The following MTHFD1 variants were observed in gnomAD, a reference collection of about 807,000 sequenced individuals.
MTHFD1 encodes the protein methylenetetrahydrofolate dehydrogenase, cyclohydrolase and formyltetrahydrofolate synthetase 1.
Under a neutral mutation model 110.3 loss-of-function variants are expected in MTHFD1, and 44 were observed. The ratio of observed to expected loss-of-function variants is 0.40; its 90% CI spans 0.31 to 0.51. The LOEUF is 0.51. MTHFD1 is among the 20% of genes least tolerant of loss of function. The pLI is 0.60. For missense variants in MTHFD1, 909 were observed against 1,173.1 expected (o/e 0.77, Z 3.29); for synonymous variants, 402 against 428.8 (o/e 0.94, Z 0.77).
chr14:64,413,935 T>G (rs1183318156), intron 4 of MTHFD1, among the ~76,000 whole-genome samples: 1 of 152,190 alleles, frequency 6.6e-6, no homozygotes, highest in Non-Finnish European at 1.5e-5. Flanking sequence ...GCTCAAGTGA[T>G]CCTCCCACCT....
chr14:64,457,634 T>C (rs1027993483), intron 26 of MTHFD1, among the ~76,000 whole-genome samples: 2 of 151,808 alleles, frequency 1.3e-5, no homozygotes, highest in African/African-American at 2.4e-5. Flanking sequence ...TTTTGTATTT[T>C]TAGTAGAGAT....
intron 2 of MTHFD1, 102 bp from the exon 3 acceptor site, chr14:64,410,988 G>A (rs966407580): frequency 3.6e-6 from 3 of 835,314 alleles, no homozygotes; most frequent in Non-Finnish European, 4.1e-6. Flanking sequence ...AACAAGAGTC[G>A]CATGATTAAA....
At chr14:64,397,155 A>G (rs1372270704) in intron 1 of MTHFD1, among the ~76,000 whole-genome samples, 427 of 7,644 alleles carry the variant, frequency 0.056, 60 homozygotes, top group African/African-American at 0.21. Flanking sequence ...ATATATATAT[A>G]TATATATATA....
intron 8 of MTHFD1, among the ~76,000 whole-genome samples, chr14:64,422,510 A>G (rs554528980): frequency 7.9e-5 from 12 of 152,296 alleles, no homozygotes; most frequent in Non-Finnish European, 1.3e-4. Flanking sequence ...AGAAACACAT[A>G]AAAGTGCTCT....
Position 64,454,802 on chromosome 14 carries a change from C to G in MTHFD1, c.2645C>G (p.Thr882Arg). ...SHNPEQKGVP[T>R]GFILPIRDIR... ...AACCCAGAGCAAAAAGGTGTCCCTA[C>G]AGGCTTCATTCTGCCCATTCGCGAC... The change falls in exon 26 of 28, where the codon ACA (threonine) becomes AGA (arginine). Residue 882 changes from threonine (T) to arginine (R), a missense_variant. Physicochemically the swap from Thr to Arg is moderately conservative, Grantham distance 71. Coordinates refer to ENST00000652337, the MANE Select transcript of MTHFD1 (RefSeq NM_005956.4). 1 of 1,614,134 alleles carries G rather than the reference C, an allele frequency of 6.2e-7. No homozygotes were observed.
At position 64,451,101 on chromosome 14, in the gene MTHFD1, G is replaced by A. The variant is rs138196652; in HGVS notation, c.2457+1479G>A. On this transcript the variant is annotated intron_variant, in intron 24 of 27. Transcript: ENST00000652337. ...GGAGAATCGCTTGAACCCGGGAGGC[G>A]GACGTTGCAATGAGCTGAGATCACT... 6.4e-3 allele frequency among the ~76,000 whole-genome samples: 973 copies of A among 152,182 alleles called. 4 individuals carry two copies. Among genetic ancestry groups the A allele is most frequent in the Non-Finnish European group, 0.01 (685 of 68,000 alleles).
Position 64,453,952 on chromosome 14 carries a change from C to T in MTHFD1, c.2565+91C>T, listed in dbSNP as rs1476467613. The T allele has an allele frequency of 1.2e-5, 9 of 779,264 alleles. No homozygotes were observed. In the East Asian group the frequency reaches 1.3e-4, roughly 12 times the overall value. 48.3% of individuals were successfully genotyped at this position (779,264 alleles called of 1,614,324 possible). A position where few individuals can be genotyped will look rare whatever the true frequency, so the allele number is the denominator to read the frequency against. ...GGTCCTCCCAGCCCTGCCAAGTACC[C>T]GTTGCTTCACTTCTCTGGGTGGCAG... On this transcript the variant is annotated intron_variant, in intron 25 of 27. Transcript: ENST00000652337.
At chr14:64,424,733 G>A in intron 8 of MTHFD1, 71 bp from the exon 9 acceptor site, 2 of 1,575,856 alleles carry the variant, frequency 1.3e-6, no homozygotes, top group Non-Finnish European at 1.7e-6. Context: ...ATTCTGCTGA[G>A]TTTTTGTCGT....
chr14:64,410,622 G>A (rs974030035), intron 2 of MTHFD1, among the ~76,000 whole-genome samples: 1 of 152,128 alleles, frequency 6.6e-6, no homozygotes, highest in African/African-American at 2.4e-5. Context: ...CCTTTCTATT[G>A]TCTGTGTGGC....
intron 15 of MTHFD1, among the ~76,000 whole-genome samples, chr14:64,433,541 C>T (rs2078178549): frequency 6.6e-6 from 1 of 152,048 alleles, no homozygotes; most frequent in Non-Finnish European, 1.5e-5. Flanking sequence ...CCTCACCCAA[C>T]TAGGTAGCTG....
At position 64,418,000 on chromosome 14, in the gene MTHFD1, C is replaced by T; in HGVS notation, c.591C>T (p.Ser197=). 6.2e-7 allele frequency: 1 copy of T among 1,614,102 alleles called. No homozygotes were observed. The highest frequency in any genetic ancestry group is 8.5e-7 in the Non-Finnish European group (1 of 1,180,020). ...WNNATVTTCH[S]KTAHLDEEVN... ...ATGCCACAGTGACCACCTGCCACTCCAAGACTGCCCATCTGGATGAGGAGG... is the reference window on the plus strand; with the variant it reads ...ATGCCACAGTGACCACCTGCCACTCTAAGACTGCCCATCTGGATGAGGAGG... The change falls in exon 7 of 28, where the codon TCC becomes TCT. Residue 197 remains serine, a synonymous_variant. Transcript: ENST00000652337. The surrounding 1 kb of genome is among the most constrained non-coding windows in gnomAD (Gnocchi z 4.4).
intron 1 of MTHFD1, chr14:64,388,916 C>A: frequency 8.5e-6 from 2 of 236,116 alleles, no homozygotes; most frequent in Non-Finnish European, 1.7e-5. Flanking sequence ...CATAGCTTTT[C>A]CCACTATACC....
intron 26 of MTHFD1, among the ~76,000 whole-genome samples, chr14:64,456,982 C>T (rs2078484968): frequency 6.6e-6 from 1 of 152,182 alleles, no homozygotes; most frequent in African/African-American, 2.4e-5. Flanking sequence ...GGAGTTTTCA[C>T]TTGCAAGCCG....
In MTHFD1 at chr14:64,449,590, C is replaced by T; in HGVS notation, c.2425C>T (p.Pro809Ser). The change falls in exon 24 of 28, where the codon CCC becomes TCC. Residue 809 changes from proline to serine, a missense_variant. By Grantham distance (74) the Pro-to-Ser change is moderately conservative. Around this residue, in one of 3 missense-constraint regions of MTHFD1, gnomAD observed 482 missense variants for 646.0 expected, o/e 0.75. Coordinates refer to ENST00000652337, the MANE Select transcript of MTHFD1 (RefSeq NM_005956.4). Reference protein sequence around the residue: ...AQAVQRAAQAPSSFQLLYDLK... With the variant: ...AQAVQRAAQASSSFQLLYDLK... ...GGCCGTCCAGAGAGCAGCACAAGCA[C>T]CCAGCAGCTTCCAGCTCCTTTATGA... 1 of 1,614,186 alleles carries T rather than the reference C, an allele frequency of 6.2e-7. No individual in the cohort carries two copies.
In MTHFD1 at chr14:64,441,385, G is replaced by A. The variant is rs756149617; in HGVS notation, c.1816G>A (p.Gly606Arg). The A allele has an allele frequency of 6.2e-7, 1 of 1,614,006 alleles. No homozygotes were observed. The highest frequency in any genetic ancestry group is 8.5e-7 in the Non-Finnish European group (1 of 1,179,944). The change falls in exon 19 of 28, where the codon GGG (glycine) becomes AGG (arginine). Residue 606 changes from glycine (G) to arginine (R), a missense_variant and splice_region_variant. Around this residue, in one of 3 missense-constraint regions of MTHFD1, gnomAD observed 482 missense variants for 646.0 expected, o/e 0.75. Coordinates refer to ENST00000652337, the MANE Select transcript of MTHFD1 (RefSeq NM_005956.4). ...KGEPVSAEDL[G>R]VSGALTVLMK... ...GATGCTGCACACATTTGTTTTGTAG[G>A]GGGTGAGTGGTGCACTGACAGTGCT...
At chr14:64,409,039 G>C (rs937208621) in intron 2 of MTHFD1, among the ~76,000 whole-genome samples, 1 of 152,142 alleles carries the variant, frequency 6.6e-6, no homozygotes, top group African/African-American at 2.4e-5. Context: ...TTTGACATAC[G>C]CTCATAACTA....
chr14:64,441,257 A>T, intron 18 of MTHFD1, 128 bp from the exon 19 acceptor site: 1 of 849,708 alleles, frequency 1.2e-6, no homozygotes, highest in Non-Finnish European at 2.1e-6. Context: ...TGAATGGTCC[A>T]ATTCAGGTGA....
chr14:64,389,517 A>G (rs1473742410), intron 1 of MTHFD1, among the ~76,000 whole-genome samples: 1 of 152,078 alleles, frequency 6.6e-6, no homozygotes, highest in South Asian at 2.1e-4. Flanking sequence ...AGACCAGCCT[A>G]TCCAAAATGG....
intron 1 of MTHFD1, among the ~76,000 whole-genome samples, chr14:64,389,712 A>G (rs1041847129): frequency 4.0e-5 from 6 of 148,882 alleles, no homozygotes; most frequent in Non-Finnish European, 7.5e-5. Flanking sequence ...CCGTCTAAGA[A>G]AAAAAAAAAA....
Sources: gnomAD v4.1 joint callset for allele counts (sites outside exome capture counted in the v4.1 genomes callset) on GRCh38, gnomAD v4.1.1 for gene constraint, gnomAD v4.1.1 regional missense constraint, Gnocchi (gnomAD v3.1) non-coding constraint, MANE v1.5 for transcripts, NCBI Gene and HGNC (gene_info 2026-07-23, HGNC 2026-07-21) for gene names.